The following TMEM74 variants were observed in gnomAD, a reference collection of about 807,000 sequenced individuals.
TMEM74 encodes transmembrane protein 74.
A neutral mutation model predicts 18.1 loss-of-function variants in TMEM74; 13 were observed. The observed-to-expected ratio is 0.72, with a 90% CI of 0.47 to 1.14. TMEM74 has a LOEUF of 1.14. TMEM74 is among the 50% of genes most tolerant of loss of function. The pLI is 0.00. For missense variants in TMEM74, 372 were observed against 375.9 expected, an observed-to-expected ratio of 0.99 and a Z score of 0.09; for synonymous variants, 159 against 146.6, an observed-to-expected ratio of 1.08 and a Z score of -0.61.
At chr8:108,732,241 T>G (rs553231679) in intron 1 of TMEM74, among the ~76,000 whole-genome samples, 34 of 152,306 alleles carry the variant, frequency 2.2e-4, no homozygotes, top group African/African-American at 7.5e-4. Context: ...TGAGTGAAAT[T>G]TTAAAAGACC....
At chr8:108,712,026 T>C (rs1813480316) in intron 1 of TMEM74, among the ~76,000 whole-genome samples, 1 of 152,074 alleles carries the variant, frequency 6.6e-6, no homozygotes, top group Admixed American at 6.6e-5. Flanking sequence ...ACCATCAGCA[T>C]CACCTGGGAA....
chr8:108,621,550 G>A (rs1347993271), intron 2 of TMEM74, among the ~76,000 whole-genome samples: 1 of 152,122 alleles, frequency 6.6e-6, no homozygotes, highest in Non-Finnish European at 1.5e-5. Flanking sequence ...ATGAAGCAGG[G>A]TATCAGCTGC....
intron 2 of TMEM74, among the ~76,000 whole-genome samples, chr8:108,611,476 A>C (rs919144431): frequency 1.3e-5 from 2 of 152,190 alleles, no homozygotes; most frequent in African/African-American, 2.4e-5. Context: ...CATATTATAG[A>C]ACCTTGGGGT....
intron 1 of TMEM74, among the ~76,000 whole-genome samples, chr8:108,773,274 C>A (rs1051365472): frequency 6.6e-6 from 1 of 152,004 alleles, no homozygotes; most frequent in African/African-American, 2.4e-5. Context: ...GGCTCAAAGT[C>A]AGCTCTGATT....
chr8:108,673,936 T>G (rs1813028839), intron 1 of TMEM74, among the ~76,000 whole-genome samples: 1 of 152,214 alleles, frequency 6.6e-6, no homozygotes, highest in Admixed American at 6.5e-5. Context: ...GTTCTCATGT[T>G]TATGAATGGG....
At chr8:108,708,724 A>G (rs1246668659) in intron 1 of TMEM74, among the ~76,000 whole-genome samples, 1 of 145,884 alleles carries the variant, frequency 6.9e-6, no homozygotes, top group Non-Finnish European at 1.5e-5. Context: ...AATGCAGTCT[A>G]TGGAATGGGA....
At chr8:108,613,284 G>A (rs1012017283) in intron 2 of TMEM74, among the ~76,000 whole-genome samples, 17 of 152,288 alleles carry the variant, frequency 1.1e-4, no homozygotes, top group Admixed American at 5.2e-4. Context: ...TGGACCATAT[G>A]AGAGGAGGCA....
chr8:108,687,371 C>T (rs1442350522), intron 1 of TMEM74, among the ~76,000 whole-genome samples: 5 of 134,446 alleles, frequency 3.7e-5, no homozygotes, highest in East Asian at 4.7e-4. Context: ...GGAGAATTTG[C>T]GGCAAACACA....
At chr8:108,766,551 C>A (rs1431522376) in intron 1 of TMEM74, among the ~76,000 whole-genome samples, 1 of 152,172 alleles carries the variant, frequency 6.6e-6, no homozygotes, top group Non-Finnish European at 1.5e-5. Flanking sequence ...TAAAATGTGC[C>A]TCCAAAACTT....
Position 108,782,788 on chromosome 8 carries a change from G to T in TMEM74, c.*1393C>A, listed in dbSNP as rs535502039. ...TGATCCTGGTAACACAATCATGGAAGTTACAACAACTCTTAGAGCACAGGT... is the reference window on the plus strand; with the variant it reads ...TGATCCTGGTAACACAATCATGGAATTTACAACAACTCTTAGAGCACAGGT... On this transcript the variant is annotated 3_prime_UTR_variant, in exon 2 of 2. Transcript: ENST00000297459. Among the ~76,000 whole-genome samples the T allele has an allele frequency of 1.3e-5, 2 of 152,336 alleles. No homozygotes were observed. Among genetic ancestry groups the T allele is most frequent in the East Asian group, 1.9e-4 (1 of 5,182 alleles).
intron 1 of TMEM74, among the ~76,000 whole-genome samples, chr8:108,673,815 C>A (rs1050274288): frequency 1.3e-5 from 2 of 152,162 alleles, no homozygotes; most frequent in African/African-American, 2.4e-5. Context: ...TTTGTCATTT[C>A]TCTGGCCAGT....
chr8:108,653,615 A>C (rs1245511319), intron 2 of TMEM74, among the ~76,000 whole-genome samples: 1 of 152,198 alleles, frequency 6.6e-6, no homozygotes, highest in Non-Finnish European at 1.5e-5. Flanking sequence ...TTATATGTGA[A>C]ACATCTACTC....
intron 3 of TMEM74, among the ~76,000 whole-genome samples, chr8:108,608,091 C>A (rs1040895529): frequency 6.6e-6 from 1 of 151,948 alleles, no homozygotes; most frequent in Non-Finnish European, 1.5e-5. Context: ...ATCACAAGGT[C>A]ATGATTTCGA....
chr8:108,622,974 T>C (rs1244190361), intron 2 of TMEM74, among the ~76,000 whole-genome samples: 2 of 152,094 alleles, frequency 1.3e-5, no homozygotes, highest in East Asian at 3.9e-4. Context: ...GCTTAAAGTT[T>C]AGAATCAGAA....
chr8:108,748,280 C>A (rs62017683), intron 1 of TMEM74, among the ~76,000 whole-genome samples: 1 of 152,150 alleles, frequency 6.6e-6, no homozygotes, highest in African/African-American at 2.4e-5. Context: ...GACGGTATCT[C>A]ACTGTGGTTT....
intron 1 of TMEM74, among the ~76,000 whole-genome samples, chr8:108,689,039 T>A (rs1249598305): frequency 6.6e-6 from 1 of 152,220 alleles, no homozygotes; most frequent in African/African-American, 2.4e-5. Context: ...CTCCAAGCAC[T>A]CTTCCTTTTG....
intron 1 of TMEM74, among the ~76,000 whole-genome samples, chr8:108,716,431 A>AT (rs1197971534): frequency 2.0e-5 from 3 of 152,222 alleles, no homozygotes; most frequent in African/African-American, 7.2e-5. Flanking sequence ...GGCAAATGAG[A>AT]TATTAAAGTG....
At chr8:108,647,498 T>C (rs1299876984) in intron 2 of TMEM74, among the ~76,000 whole-genome samples, 1 of 151,942 alleles carries the variant, frequency 6.6e-6, no homozygotes, top group Non-Finnish European at 1.5e-5. Flanking sequence ...GTTTAGCTGA[T>C]CAATGAAAGG....
At chr8:108,703,265 C>A (rs1813354943) in intron 1 of TMEM74, among the ~76,000 whole-genome samples, 2 of 152,142 alleles carry the variant, frequency 1.3e-5, no homozygotes, top group Admixed American at 1.3e-4. Context: ...ACCTGATGTG[C>A]CCAGTATTAG....
Sources: gnomAD v4.1 joint callset for allele counts (sites outside exome capture counted in the v4.1 genomes callset) on GRCh38, gnomAD v4.1.1 for gene constraint, MANE v1.5 for transcripts, NCBI Gene and HGNC (gene_info 2026-07-23, HGNC 2026-07-21) for gene names.